The following MACF1 variants were observed in gnomAD, a reference collection of about 807,000 sequenced individuals.
The protein encoded by MACF1 is microtubule actin crosslinking factor 1, also known as microtubule-actin cross-linking factor 1.
A neutral mutation model predicts 854.8 loss-of-function variants in MACF1; 193 were observed. That is an observed-to-expected ratio of 0.23 (90% CI 0.20 to 0.25). MACF1 has a LOEUF of 0.25. MACF1 is among the 10% of genes least tolerant of loss of function. The pLI is 1.00. For missense variants in MACF1, 7,722 were observed against 8,929.1 expected (o/e 0.86, Z 5.45); for synonymous variants, 3,185 against 3,226.7 (o/e 0.99, Z 0.44).
At chr1:39,187,876 C>CTG (rs1644195074) in intron 2 of MACF1, among the ~76,000 whole-genome samples, 1 of 78,630 alleles carries the variant, frequency 1.3e-5, no homozygotes, top group South Asian at 4.9e-4. Flanking sequence ...GTCTCTCTCT[C>CTG]TCTCTGTCTC....
intron 49 of MACF1, among the ~76,000 whole-genome samples, chr1:39,366,070 G>A (rs1648681609): frequency 6.6e-6 from 1 of 152,160 alleles, no homozygotes; most frequent in Admixed American, 6.6e-5. Flanking sequence ...ATATTTTAAT[G>A]TGTGGTAGAG....
At chr1:39,434,327 CT>C (rs1643925717) in intron 68 of MACF1, 86 bp from the exon 69 acceptor site, 3 of 574,570 alleles carry the variant, frequency 5.2e-6, no homozygotes, top group Non-Finnish European at 8.8e-6. Flanking sequence ...TTCTTTTAGA[CT>C]TTTTAATGTA....
chr1:39,384,723 G>A (rs1650537966), intron 56 of MACF1, among the ~76,000 whole-genome samples: 1 of 152,238 alleles, frequency 6.6e-6, no homozygotes, highest in Non-Finnish European at 1.5e-5. Context: ...AACAGACACT[G>A]AGAGTTGACA....
At chr1:39,474,905 C>T (rs1644848951) in intron 97 of MACF1, among the ~76,000 whole-genome samples, 3 of 152,124 alleles carry the variant, frequency 2.0e-5, no homozygotes, top group Admixed American at 1.3e-4. Context: ...ACAGAAACCA[C>T]AAGTTCATAT....
chr1:39,418,999 A>T (rs1432109401), intron 58 of MACF1, among the ~76,000 whole-genome samples: 2 of 152,274 alleles, frequency 1.3e-5, no homozygotes, highest in African/African-American at 2.4e-5. Flanking sequence ...AATGTCTGCC[A>T]GTACTGCTTA....
intron 49 of MACF1, among the ~76,000 whole-genome samples, chr1:39,367,654 C>A (rs1274110268): frequency 6.6e-6 from 1 of 152,160 alleles, no homozygotes; most frequent in Admixed American, 6.5e-5. Flanking sequence ...GTATTTGACT[C>A]CTGAAACTTT....
intron 1 of MACF1, among the ~76,000 whole-genome samples, chr1:39,221,255 T>G (rs75998785): frequency 0.023 from 3,492 of 152,150 alleles, 84 homozygotes; most frequent in East Asian, 0.13. Flanking sequence ...TTTATAGGGT[T>G]GTAGAGAGCT....
intron 2 of MACF1, among the ~76,000 whole-genome samples, chr1:39,133,555 T>C (rs900997990): frequency 1.3e-5 from 2 of 152,126 alleles, no homozygotes; most frequent in African/African-American, 4.8e-5. Flanking sequence ...TCCTCCTCCT[T>C]CTTCCTGTCT....
chr1:39,201,300 C>T (rs1644386904), upstream of MACF1, among the ~76,000 whole-genome samples: 1 of 152,130 alleles, frequency 6.6e-6, no homozygotes, highest in Non-Finnish European at 1.5e-5. Flanking sequence ...GGCATTATAG[C>T]TGGTTTCCCT....
Position 39,385,506 on chromosome 1 carries a change from A to G in MACF1, c.13921A>G (p.Thr4641Ala). The G allele has an allele frequency of 6.2e-7, 1 of 1,614,156 alleles. No homozygotes were observed. Among genetic ancestry groups the G allele is most frequent in the Non-Finnish European group, 8.5e-7 (1 of 1,180,002 alleles). The change falls in exon 57 of 101, where the codon ACA (threonine) becomes GCA (alanine). Residue 4641 changes from threonine to alanine, a missense_variant. Around this residue, in one of 15 missense-constraint regions of MACF1, gnomAD observed 2,807 missense variants for 3,235.8 expected, o/e 0.87. Coordinates refer to ENST00000564288, the MANE Select transcript of MACF1 (RefSeq NM_001394062.1). Reference protein sequence around the residue: ...QLNEAAQGILTGPGDVSLSTS... With the variant: ...QLNEAAQGILAGPGDVSLSTS... ...GAATGAGGCAGCTCAGGGCATCCTAACAGGCCCTGGAGATGTCTCTCTGTC... is the reference window on the plus strand; with the variant it reads ...GAATGAGGCAGCTCAGGGCATCCTAGCAGGCCCTGGAGATGTCTCTCTGTC...
intron 16 of MACF1, 126 bp downstream of exon 16, chr1:39,292,164 C>T (rs1479923762): frequency 9.4e-6 from 10 of 1,068,386 alleles, no homozygotes; most frequent in East Asian, 7.6e-5. Context: ...TGATGAAGAG[C>T]GGTTTATGAC....
rs1215776436 is a variant in MACF1 at position 39,327,283 on chromosome 1, A to G, written c.4544A>G (p.Asp1515Gly). The G allele has an allele frequency of 5.0e-6, 8 of 1,607,968 alleles. No individual in the cohort carries two copies. Among genetic ancestry groups the G allele is most frequent in the South Asian group, 1.1e-5 (1 of 90,738 alleles). Residue 1515 changes from aspartate (D) to glycine (G), a missense_variant, in exon 36 of 101, where the codon GAC becomes GGC. Coordinates refer to ENST00000564288, the MANE Select transcript of MACF1 (RefSeq NM_001394062.1). The part of the protein sequence containing the change: ...QLNALNKAYH[D>G]LCDGSANQLQ... Reference sequence around the variant, plus strand: ...AATGCCCTAAACAAGGCTTACCATGACCTTTGTGATGGTTCTGCAAATCAG... The same window carrying G: ...AATGCCCTAAACAAGGCTTACCATGGCCTTTGTGATGGTTCTGCAAATCAG...
chr1:39,374,686 A>G (rs1649557327), intron 52 of MACF1, among the ~76,000 whole-genome samples: 2 of 152,192 alleles, frequency 1.3e-5, no homozygotes, highest in African/African-American at 4.8e-5. Flanking sequence ...AACTTTGTTG[A>G]AACAAAGGGC....
rs139711248 is a variant in MACF1, at chr1:39,307,383, T to C, written c.2790-2187T>C. On this transcript the variant is annotated intron_variant, in intron 23 of 100. Transcript: ENST00000564288. ...TGTTTATCGTTCACCACTATCATGA[T>C]ACGGAACAGTCTGATACTTTTACCT... 2.4e-3 allele frequency among the ~76,000 whole-genome samples: 362 copies of C among 152,320 alleles called. 2 individuals carry two copies. Among genetic ancestry groups the C allele is most frequent in the African/African-American group, 8.4e-3 (350 of 41,586 alleles).
At chr1:39,322,312 A>G (rs1348048166) in intron 31 of MACF1, among the ~76,000 whole-genome samples, 2 of 152,240 alleles carry the variant, frequency 1.3e-5, no homozygotes, top group Non-Finnish European at 2.9e-5. Context: ...AATCAAAAGA[A>G]TAATATTTTA....
intron 2 of MACF1, among the ~76,000 whole-genome samples, chr1:39,114,482 A>T (rs1408610478): frequency 6.6e-6 from 1 of 152,076 alleles, no homozygotes; most frequent in African/African-American, 2.4e-5. Flanking sequence ...AGTCCCAGCT[A>T]TTTGGGAGGC....
intron 58 of MACF1, among the ~76,000 whole-genome samples, chr1:39,391,664 T>G (rs752215273): frequency 6.6e-6 from 1 of 152,242 alleles, no homozygotes; most frequent in Non-Finnish European, 1.5e-5. Flanking sequence ...ACAAGTCATC[T>G]TTTCCTTTTC....
At chr1:39,340,220 C>A (rs1407740459) in intron 38 of MACF1, among the ~76,000 whole-genome samples, 1 of 152,154 alleles carries the variant, frequency 6.6e-6, no homozygotes, top group Non-Finnish European at 1.5e-5. Flanking sequence ...GAATCCAAGT[C>A]CTGGCTGTAC....
At chr1:39,233,780 T>TG in intron 2 of MACF1, among the ~76,000 whole-genome samples, 2 of 80,924 alleles carry the variant, frequency 2.5e-5, no homozygotes, top group East Asian at 3.4e-4. Flanking sequence ...CATAGCTTTT[T>TG]TTTTTTTTTT....
Sources: gnomAD v4.1 joint callset for allele counts (sites outside exome capture counted in the v4.1 genomes callset) on GRCh38, gnomAD v4.1.1 for gene constraint, gnomAD v4.1.1 regional missense constraint, MANE v1.5 for transcripts, NCBI Gene and HGNC (gene_info 2026-07-23, HGNC 2026-07-21) for gene names.